The following CSMD1 variants were observed in gnomAD, a reference collection of about 807,000 sequenced individuals.
CSMD1 encodes the protein CUB and Sushi multiple domains 1.
In CSMD1, 213 loss-of-function variants were observed where a neutral mutation model predicts 417.5. That is an observed-to-expected ratio of 0.51 (90% CI 0.46 to 0.57). The LOEUF (loss-of-function observed/expected upper bound fraction) is 0.57. Among genes scored for constraint, CSMD1 ranks in the 20% least tolerant of loss-of-function variants. The pLI, the probability that CSMD1 is intolerant of heterozygous loss-of-function variation, is 0.00. For missense variants in CSMD1, 6,923 were observed against 4,529.7 expected, an observed-to-expected ratio of 1.53 and a Z score of -15.17; for synonymous variants, 2,862 against 1,736.8, an observed-to-expected ratio of 1.65 and a Z score of -16.11.
At chr8:3,785,736 G>T (rs1685087094) in intron 5 of CSMD1, among the ~76,000 whole-genome samples, 1 of 152,114 alleles carries the variant, frequency 6.6e-6, no homozygotes, top group Admixed American at 6.5e-5. Flanking sequence ...CAGGGTGCGG[G>T]GAGCCAGGAG....
At chr8:4,031,591 G>A (rs1021801458) in intron 4 of CSMD1, among the ~76,000 whole-genome samples, 2 of 152,076 alleles carry the variant, frequency 1.3e-5, no homozygotes, top group African/African-American at 4.8e-5. Flanking sequence ...CATATCAGAA[G>A]TCATAAACTT....
intron 3 of CSMD1, among the ~76,000 whole-genome samples, chr8:4,214,979 T>A (rs1800549094): frequency 6.6e-6 from 1 of 152,190 alleles, no homozygotes. Flanking sequence ...AGGCACAGCT[T>A]ACTCTGTCAG....
chr8:3,868,354 A>G (rs781045179), intron 5 of CSMD1, among the ~76,000 whole-genome samples: 3 of 152,098 alleles, frequency 2.0e-5, no homozygotes, highest in Admixed American at 6.5e-5. Flanking sequence ...CTTTCTCCCT[A>G]AAGTCTCCAG....
At chr8:3,424,580 A>G (rs753737475) in intron 12 of CSMD1, among the ~76,000 whole-genome samples, 1 of 152,216 alleles carries the variant, frequency 6.6e-6, no homozygotes, top group African/African-American at 2.4e-5. Context: ...AAACAATATG[A>G]CTTCAAAAAT....
intron 6 of CSMD1, among the ~76,000 whole-genome samples, chr8:3,731,836 T>G (rs1796280789): frequency 7.9e-5 from 12 of 152,156 alleles, no homozygotes; most frequent in Admixed American, 7.2e-4. Flanking sequence ...CACCCATGAG[T>G]GAGTTTCCAT....
intron 18 of CSMD1, among the ~76,000 whole-genome samples, chr8:3,369,599 G>A (rs947084243): frequency 9.2e-5 from 14 of 152,122 alleles, no homozygotes; most frequent in Non-Finnish European, 1.9e-4. Flanking sequence ...CACAGAATAA[G>A]GCACAGCAGG....
chr8:4,171,451 T>G (rs899843248), intron 3 of CSMD1, among the ~76,000 whole-genome samples: 3 of 151,958 alleles, frequency 2.0e-5, no homozygotes, highest in African/African-American at 7.3e-5. Flanking sequence ...CATGACTTAT[T>G]GGCTCTCCTG....
At chr8:3,524,447 A>T (rs1429312849) in intron 10 of CSMD1, among the ~76,000 whole-genome samples, 1 of 152,014 alleles carries the variant, frequency 6.6e-6, no homozygotes, top group Non-Finnish European at 1.5e-5. Context: ...CTGCACGCAC[A>T]CATGCACATA....
chr8:4,145,659 G>T (rs1036789142), intron 3 of CSMD1, among the ~76,000 whole-genome samples: 1 of 150,862 alleles, frequency 6.6e-6, no homozygotes, highest in Non-Finnish European at 1.5e-5. Context: ...AAAGTGCTGG[G>T]ATTACAGCCT....
At chr8:4,639,898 A>G (rs904676722) in intron 1 of CSMD1, among the ~76,000 whole-genome samples, 4 of 152,196 alleles carry the variant, frequency 2.6e-5, no homozygotes, top group Admixed American at 6.5e-5. Flanking sequence ...TTTAAGTCCA[A>G]TAATAACACT....
intron 52 of CSMD1, among the ~76,000 whole-genome samples, chr8:3,001,025 G>A (rs1807362908): frequency 6.6e-6 from 1 of 150,758 alleles, no homozygotes; most frequent in Non-Finnish European, 1.5e-5. Flanking sequence ...TGTCACTCAA[G>A]CTGGAATGCA....
At chr8:3,827,898 A>C (rs1019226055) in intron 5 of CSMD1, among the ~76,000 whole-genome samples, 1 of 152,222 alleles carries the variant, frequency 6.6e-6, no homozygotes, top group African/African-American at 2.4e-5. Context: ...GGGCTCACTC[A>C]AAGGAAACAA....
intron 11 of CSMD1, among the ~76,000 whole-genome samples, chr8:3,472,467 A>G (rs1817161607): frequency 6.6e-6 from 1 of 152,086 alleles, no homozygotes; most frequent in Admixed American, 6.6e-5. Context: ...GTTAAAGTCT[A>G]CTACCAATCT....
chr8:3,595,441 C>T (rs1388705735), intron 8 of CSMD1, among the ~76,000 whole-genome samples: 1 of 152,098 alleles, frequency 6.6e-6, no homozygotes, highest in Non-Finnish European at 1.5e-5. Context: ...TTCTTCAAGC[C>T]TTAAGGCAGT....
At chr8:3,278,028 A>C (rs887994261) in intron 26 of CSMD1, among the ~76,000 whole-genome samples, 1 of 152,142 alleles carries the variant, frequency 6.6e-6, no homozygotes, top group African/African-American at 2.4e-5. Flanking sequence ...ATATGGATAG[A>C]GAAGAAAGGG....
Position 2,950,137 on chromosome 8 carries a change from C to A in CSMD1, c.10314+94G>T, listed in dbSNP as rs1235072516. ...TTCAAGGGGCAGACACAAGACAGCTCTACTCAGAAGCCTCCAATCCGTAGC... is the reference window on the plus strand; with the variant it reads ...TTCAAGGGGCAGACACAAGACAGCTATACTCAGAAGCCTCCAATCCGTAGC... On this transcript the variant is annotated intron_variant, in intron 67 of 69. Coordinates refer to ENST00000635120, the MANE Select transcript of CSMD1 (RefSeq NM_033225.6). 4 of 801,376 alleles carry A rather than the reference C, an allele frequency of 5.0e-6. No individual in the cohort carries two copies. The African/African-American group carries it at 6.9e-5, about 14-fold the overall frequency. The allele number at this position is 801,376 out of a possible 1,614,324, so 49.6% of individuals were successfully genotyped here. A position where few individuals can be genotyped will look rare whatever the true frequency, so the allele number is the denominator to read the frequency against.
At chr8:4,705,866 A>G (rs1316207641) in intron 1 of CSMD1, among the ~76,000 whole-genome samples, 1 of 152,182 alleles carries the variant, frequency 6.6e-6, no homozygotes, top group African/African-American at 2.4e-5. Context: ...ACTTTAAAAT[A>G]TACAGATTCT....
intron 3 of CSMD1, among the ~76,000 whole-genome samples, chr8:4,128,333 A>T (rs1802887887): frequency 6.6e-6 from 1 of 152,164 alleles, no homozygotes; most frequent in Non-Finnish European, 1.5e-5. Context: ...TTTAATGAGG[A>T]GACAAGAACG....
chr8:4,689,779 T>A lies in CSMD1; in HGVS notation c.86-52221A>T, dbSNP rs116440018. On this transcript the variant is annotated intron_variant, in intron 1 of 69. Coordinates refer to ENST00000635120, the MANE Select transcript of CSMD1 (RefSeq NM_033225.6). The stretch of plus-strand genomic sequence containing the variant: ...CCTCTTCTATTAAAATGATGGTGGT[T>A]TAGGCTAACTCCATATGGAATTTAT... Among the ~76,000 whole-genome samples, 1,028 of 152,304 alleles carry A rather than the reference T, an allele frequency of 6.7e-3. 12 individuals carry two copies. The highest frequency in any genetic ancestry group is 0.027 in the Middle Eastern group (8 of 294).
Sources: allele counts gnomAD v4.1 joint callset (sites outside exome capture counted in the v4.1 genomes callset), GRCh38; gene constraint gnomAD v4.1.1; transcripts MANE v1.5; gene names NCBI Gene and HGNC (gene_info 2026-07-23, HGNC 2026-07-21).